The following NFXL1 variants were observed in gnomAD, a reference collection of about 807,000 sequenced individuals.
NFXL1 encodes the protein NF-X1-type zinc finger protein NFXL1.
A neutral mutation model predicts 123.3 loss-of-function variants in NFXL1; 66 were observed. The ratio of observed to expected loss-of-function variants is 0.54; its 90% CI spans 0.44 to 0.66. The LOEUF (loss-of-function observed/expected upper bound fraction) is 0.66. Among genes scored for constraint, NFXL1 ranks in the 30% least tolerant of loss-of-function variants. The probability of loss-of-function intolerance (pLI) is 0.00; values close to 1 mark genes in which losing one functional copy is unlikely to be tolerated. For missense variants in NFXL1, 944 were observed against 1,125.6 expected, an observed-to-expected ratio of 0.84 and a Z score of 2.31; for synonymous variants, 346 against 360.8, an observed-to-expected ratio of 0.96 and a Z score of 0.46.
In NFXL1 at chr4:47,898,083, T is replaced by A. The variant is rs1438925992; in HGVS notation, c.1090-2A>T. 17 of 1,564,830 alleles carry A rather than the reference T, an allele frequency of 1.1e-5. No individual in the cohort carries two copies. The highest frequency in any genetic ancestry group is 1.4e-5 in the Non-Finnish European group (16 of 1,147,062). On this transcript the variant is annotated splice_acceptor_variant, in intron 8 of 22. Transcript: ENST00000507489. LOFTEE classifies it high-confidence loss of function. Reference sequence around the variant, plus strand: ...ACATGGCAGTGTTTTTCCACATACCTAAAATAAAATGCAATAAACACTAAT... The same window carrying A: ...ACATGGCAGTGTTTTTCCACATACCAAAAATAAAATGCAATAAACACTAAT...
intron 8 of NFXL1, 141 bp downstream of exon 8, chr4:47,898,616 T>C: frequency 3.4e-6 from 2 of 587,676 alleles, no homozygotes; most frequent in Non-Finnish European, 6.1e-6. Context: ...AGTAGTTTCT[T>C]AAAACATGAT....
intron 22 of NFXL1, among the ~76,000 whole-genome samples, chr4:47,849,887 A>C (rs1379653661): frequency 6.6e-6 from 1 of 152,064 alleles, no homozygotes; most frequent in Non-Finnish European, 1.5e-5. Flanking sequence ...TTCCTATAAC[A>C]CCTAATAACA....
At chr4:47,874,771 C>T (rs1019509531) in intron 18 of NFXL1, among the ~76,000 whole-genome samples, 7 of 152,094 alleles carry the variant, frequency 4.6e-5, no homozygotes, top group African/African-American at 1.7e-4. Context: ...TCCAATAAAA[C>T]AAGGTGTGCC....
At chr4:47,877,119 G>A (rs747258175) in intron 17 of NFXL1, 3 of 664,710 alleles carry the variant, frequency 4.5e-6, no homozygotes, top group South Asian at 4.4e-5. Context: ...AAAAGATCAG[G>A]CACAGTACTT....
At chr4:47,869,021 A>C (rs1735273637) in intron 18 of NFXL1, among the ~76,000 whole-genome samples, 1 of 152,112 alleles carries the variant, frequency 6.6e-6, no homozygotes, top group African/African-American at 2.4e-5. Flanking sequence ...AGGTGTTTTG[A>C]GACCAACCTG....
chr4:47,898,354 C>A (rs1267184616), intron 8 of NFXL1, among the ~76,000 whole-genome samples: 1 of 152,120 alleles, frequency 6.6e-6, no homozygotes, highest in African/African-American at 2.4e-5. Flanking sequence ...TATGGCCATT[C>A]ACCAAGGAGT....
rs753816060 is a variant in NFXL1, at chr4:47,899,553, AAAG to A, written c.648-8_648-6del. Reference sequence around the variant, plus strand: ...TATTCAAACCTACATTTTGGACTACAAAGAAGAAGAAAATTATTAAAGCTAACT... The same window carrying A: ...TATTCAAACCTACATTTTGGACTACAAAGAAGAAAATTATTAAAGCTAACT... On this transcript the variant is annotated splice_polypyrimidine_tract_variant and splice_region_variant and intron_variant, in intron 5 of 22. Transcript: ENST00000507489. 1.5e-5 allele frequency: 24 copies of A among 1,586,876 alleles called. No individual in the cohort carries two copies. Among genetic ancestry groups the A allele is most frequent in the Admixed American group, 5.1e-5 (3 of 59,038 alleles).
intron 11 of NFXL1, among the ~76,000 whole-genome samples, chr4:47,891,975 A>G (rs1736799097): frequency 6.6e-6 from 1 of 152,070 alleles, no homozygotes; most frequent in Admixed American, 6.5e-5. Context: ...ATTCAATTAG[A>G]CAAGTGTTTA....
At chr4:47,849,845 C>T (rs1734016201) in intron 22 of NFXL1, among the ~76,000 whole-genome samples, 2 of 152,070 alleles carry the variant, frequency 1.3e-5, no homozygotes, top group Non-Finnish European at 2.9e-5. Flanking sequence ...AACACACAAA[C>T]ATCTTCTTGT....
chr4:47,902,570 T>G (rs1200015128), intron 5 of NFXL1, among the ~76,000 whole-genome samples: 2 of 152,198 alleles, frequency 1.3e-5, no homozygotes, highest in Non-Finnish European at 2.9e-5. Flanking sequence ...TGCATACTCA[T>G]AGAATTCTGG....
At chr4:47,909,237 AAAGCC>A (rs971749419) in intron 3 of NFXL1, among the ~76,000 whole-genome samples, 1 of 152,236 alleles carries the variant, frequency 6.6e-6, no homozygotes, top group Admixed American at 6.5e-5. Context: ...GCCAAGTAAC[AAAGCC>A]AAGAATCAAA....
chr4:47,888,392 G>GA (rs1195490922), intron 12 of NFXL1, among the ~76,000 whole-genome samples: 1 of 152,134 alleles, frequency 6.6e-6, no homozygotes, highest in African/African-American at 2.4e-5. Flanking sequence ...TAGAATGATG[G>GA]AAAAATGGTA....
intron 4 of NFXL1, among the ~76,000 whole-genome samples, chr4:47,903,775 A>G (rs1048452090): frequency 5.3e-5 from 8 of 152,150 alleles, no homozygotes; most frequent in South Asian, 2.1e-4. Flanking sequence ...ATCTTTAAAC[A>G]TAAATATGTA....
chr4:47,905,206 T>C (rs372906996), intron 4 of NFXL1, 31 bp downstream of exon 4: 27 of 877,858 alleles, frequency 3.1e-5, no homozygotes, highest in Non-Finnish European at 4.7e-5. Flanking sequence ...TTTGGGGAGA[T>C]ACATTAATAT....
intron 19 of NFXL1, among the ~76,000 whole-genome samples, chr4:47,859,522 CA>C: frequency 6.6e-6 from 1 of 152,214 alleles, no homozygotes; most frequent in South Asian, 2.1e-4. Context: ...GGGAATGAGA[CA>C]ACCAAATTCA....
At chr4:47,905,781 AT>A (rs2110105962) in intron 3 of NFXL1, among the ~76,000 whole-genome samples, 1 of 152,104 alleles carries the variant, frequency 6.6e-6, no homozygotes, top group Admixed American at 6.5e-5. Context: ...GTGTGTATGA[AT>A]TTAGCAGGTG....
chr4:47,884,174 T>G (rs1227484135), intron 15 of NFXL1, among the ~76,000 whole-genome samples, 172 bp downstream of exon 15: 1 of 152,196 alleles, frequency 6.6e-6, no homozygotes, highest in Non-Finnish European at 1.5e-5. Context: ...TATGCAAGTA[T>G]GACAAACATG....
At chr4:47,894,143 T>G in intron 11 of NFXL1, 37 bp downstream of exon 11, 1 of 1,532,496 alleles carries the variant, frequency 6.5e-7, no homozygotes. Context: ...TTCAATATAG[T>G]CTTTAAATCA....
chr4:47,909,344 T>A (rs76518426), intron 3 of NFXL1, among the ~76,000 whole-genome samples: 4,531 of 152,244 alleles, frequency 0.03, 246 homozygotes, highest in African/African-American at 0.1. Context: ...CCGTCTAGTC[T>A]CCTCAGAATT....
Sources: gnomAD v4.1 joint callset for allele counts (sites outside exome capture counted in the v4.1 genomes callset) on GRCh38, gnomAD v4.1.1 for gene constraint, MANE v1.5 for transcripts, NCBI Gene and HGNC (gene_info 2026-07-23, HGNC 2026-07-21) for gene names.